The following FZD3 variants were observed in gnomAD, a reference collection of about 807,000 sequenced individuals.
FZD3 encodes frizzled class receptor 3, also known as frizzled-3.
Under a neutral mutation model 60.7 loss-of-function variants are expected in FZD3, and 30 were observed. The observed-to-expected ratio is 0.49, with a 90% confidence interval of 0.37 to 0.67. The LOEUF is 0.67. Among genes scored for constraint, FZD3 ranks in the 30% least tolerant of loss-of-function variants. The pLI, the probability that FZD3 is intolerant of heterozygous loss-of-function variation, is 0.00. For missense variants in FZD3, 605 were observed against 838.7 expected (o/e 0.72, Z 3.44); for synonymous variants, 246 against 275.2 (o/e 0.89, Z 1.05).
At chr8:28,519,434 C>G (rs1289004886) in intron 3 of FZD3, among the ~76,000 whole-genome samples, 1 of 152,016 alleles carries the variant, frequency 6.6e-6, no homozygotes, top group Non-Finnish European at 1.5e-5. Flanking sequence ...ATAAAGAACT[C>G]TGTTTAAAAT....
At chr8:28,515,887 T>C (rs1044791942) in intron 3 of FZD3, among the ~76,000 whole-genome samples, 1 of 152,236 alleles carries the variant, frequency 6.6e-6, no homozygotes, top group Non-Finnish European at 1.5e-5. Context: ...TCCTTCCATA[T>C]ACAAAAGCTT....
rs1038565326 is a variant in FZD3, at chr8:28,570,005, T to G, written c.*6994T>G. 2 of 152,222 alleles carry G rather than the reference T, an allele frequency of 1.3e-5. No individual in the cohort carries two copies. Among genetic ancestry groups the G allele is most frequent in the African/African-American group, 4.8e-5 (2 of 41,456 alleles). 9.4% of individuals were successfully genotyped at this position (152,222 alleles called of 1,614,324 possible). ...AATTTCAGAGGAGTTGATTGAAAAT[T>G]TTTTGTTCAGTAATTATTCTTAAAC... is the stretch of plus-strand genomic sequence containing the variant. On this transcript the variant is annotated 3_prime_UTR_variant, in exon 8 of 8. Transcript: ENST00000240093.
Position 28,571,217 on chromosome 8 carries a change from A to G in FZD3, c.*8206A>G, listed in dbSNP as rs1364430562. The G allele has an allele frequency of 6.6e-6, 1 of 152,032 alleles. No individual in the cohort carries two copies. The highest frequency in any genetic ancestry group is 1.5e-5 in the Non-Finnish European group (1 of 67,994). The allele number at this position is 152,032 out of a possible 1,614,324, so 9.4% of individuals were successfully genotyped here. On this transcript the variant is annotated 3_prime_UTR_variant, in exon 8 of 8. Coordinates refer to ENST00000240093, the MANE Select transcript of FZD3 (RefSeq NM_017412.4). ...TTTACTTTATGTTTAGCCATCCACC[A>G]TTTTCCTATTTCTCTACTCCTCCCA...
At chr8:28,529,028 G>C (rs1272031140) in intron 5 of FZD3, among the ~76,000 whole-genome samples, 1 of 152,008 alleles carries the variant, frequency 6.6e-6, no homozygotes, top group Non-Finnish European at 1.5e-5. Flanking sequence ...CAATCCTCCT[G>C]CCTCAGCCTC....
chr8:28,512,372 T>C (rs1422650358), intron 3 of FZD3, among the ~76,000 whole-genome samples: 1 of 152,142 alleles, frequency 6.6e-6, no homozygotes, highest in Non-Finnish European at 1.5e-5. Flanking sequence ...GGTATCATCC[T>C]GGTTTGGTTG....
chr8:28,510,764 C>A (rs772195282), intron 3 of FZD3, among the ~76,000 whole-genome samples: 1 of 152,124 alleles, frequency 6.6e-6, no homozygotes, highest in Non-Finnish European at 1.5e-5. Context: ...GGGCCGGGCA[C>A]GGTGGCTCAG....
At chr8:28,503,399 C>T (rs924878311) in intron 3 of FZD3, among the ~76,000 whole-genome samples, 197 bp downstream of exon 3, 1 of 152,112 alleles carries the variant, frequency 6.6e-6, no homozygotes, top group African/African-American at 2.4e-5. Flanking sequence ...GAATGTTACT[C>T]TTATATTTTA....
chr8:28,517,828 T>C lies in FZD3; in HGVS notation c.190-2810T>C, dbSNP rs10090156. 5.2e-3 allele frequency among the ~76,000 whole-genome samples: 796 copies of C among 152,308 alleles called. 4 individuals are homozygous for C. The highest frequency in any genetic ancestry group is 0.016 in the African/African-American group (669 of 41,582). On this transcript the variant is annotated intron_variant, in intron 3 of 7. Transcript: ENST00000240093. ...TTAGTCATTGTTATATACAGTCTTGTCTGTTAACTCTAATAGCTGGATCAC... is the reference window on the plus strand; with the variant it reads ...TTAGTCATTGTTATATACAGTCTTGCCTGTTAACTCTAATAGCTGGATCAC...
rs1805718249 is a variant in FZD3 at position 28,567,106 on chromosome 8, C to G, written c.*4095C>G. On this transcript the variant is annotated 3_prime_UTR_variant, in exon 8 of 8. Transcript: ENST00000240093. ...AAGCAGTCCTCCAGCTTCAGCCTCC[C>G]AAGTAGCTAAGACTGTAGGCATGCA... 6.6e-6 allele frequency: 1 copy of G among 152,062 alleles called. No homozygotes were observed. Among genetic ancestry groups the G allele is most frequent in the Non-Finnish European group, 1.5e-5 (1 of 68,030 alleles). 9.4% of individuals were successfully genotyped at this position (152,062 alleles called of 1,614,324 possible). A position where few individuals can be genotyped will look rare whatever the true frequency, so the allele number is the denominator to read the frequency against.
At chr8:28,529,005 C>T (rs1804791811) in intron 5 of FZD3, among the ~76,000 whole-genome samples, 1 of 152,076 alleles carries the variant, frequency 6.6e-6, no homozygotes, top group Admixed American at 6.6e-5. Flanking sequence ...GCTTCAAACT[C>T]CAAGAGCTCA....
chr8:28,545,840 T>A (rs1805281018), intron 5 of FZD3, among the ~76,000 whole-genome samples: 1 of 152,228 alleles, frequency 6.6e-6, no homozygotes, highest in Non-Finnish European at 1.5e-5. Flanking sequence ...ATAAATAATA[T>A]TATAGATATT....
At chr8:28,507,870 TG>T (rs1316938333) in intron 3 of FZD3, among the ~76,000 whole-genome samples, 2 of 152,116 alleles carry the variant, frequency 1.3e-5, no homozygotes, top group East Asian at 3.9e-4. Context: ...TCTTTGGTAG[TG>T]GGAGCCTCTA....
rs1236640347 is a variant in FZD3 at position 28,527,040 on chromosome 8, C to T, written c.387-107C>T. 3 of 891,366 alleles carry T rather than the reference C, an allele frequency of 3.4e-6. No individual in the cohort carries two copies. In the African/African-American group the frequency reaches 5.0e-5, roughly 15 times the overall value. The allele number at this position is 891,366 out of a possible 1,614,324, so 55.2% of individuals were successfully genotyped here. ...TATTTCTACATATTACATTTGCTCTCCAGGAATAAATAAGGTTGTGAGTGC... is the reference window on the plus strand; with the variant it reads ...TATTTCTACATATTACATTTGCTCTTCAGGAATAAATAAGGTTGTGAGTGC... On this transcript the variant is annotated intron_variant, in intron 4 of 7. Transcript: ENST00000240093. This position sits in a 1 kb window ranked among gnomAD's most constrained non-coding sequence, Gnocchi z 5.0.
intron 5 of FZD3, among the ~76,000 whole-genome samples, chr8:28,549,338 T>A (rs939956878): frequency 6.6e-6 from 1 of 152,224 alleles, no homozygotes; most frequent in African/African-American, 2.4e-5. Flanking sequence ...GGAGACAGTT[T>A]AGCCCATAAC....
At chr8:28,531,257 GTA>G (rs1804868090) in intron 5 of FZD3, among the ~76,000 whole-genome samples, 2 of 152,038 alleles carry the variant, frequency 1.3e-5, no homozygotes, top group Non-Finnish European at 2.9e-5. Context: ...TTTTAAAAAT[GTA>G]TATATGTGAG....
chr8:28,519,747 A>C (rs1804524126), intron 3 of FZD3, among the ~76,000 whole-genome samples: 1 of 131,962 alleles, frequency 7.6e-6, no homozygotes, highest in South Asian at 2.5e-4. Context: ...AAAAAAAAAA[A>C]ACCAAGAAAA....
In FZD3 at chr8:28,569,595, G is replaced by A. The variant is rs912224804; in HGVS notation, c.*6584G>A. On this transcript the variant is annotated 3_prime_UTR_variant, in exon 8 of 8. Transcript: ENST00000240093. The stretch of plus-strand genomic sequence containing the variant: ...TTGTATTATTTTACTAGATCAACCT[G>A]TATTATTAACGTCATTTACATGTAA... The A allele has an allele frequency of 6.6e-6, 1 of 151,630 alleles. No homozygotes were observed. 9.4% of individuals were successfully genotyped at this position (151,630 alleles called of 1,614,324 possible).
chr8:28,560,321 C>T (rs1282112512), intron 7 of FZD3, among the ~76,000 whole-genome samples: 1 of 152,168 alleles, frequency 6.6e-6, no homozygotes, highest in Non-Finnish European at 1.5e-5. Flanking sequence ...GTATTACAGT[C>T]AGTGGTCACA....
chr8:28,494,310 C>CCG lies in FZD3; in HGVS notation c.-423_-422insGC, dbSNP rs1423730887. 2 of 151,696 alleles carry CCG rather than the reference C, an allele frequency of 1.3e-5. No individual in the cohort carries two copies. Among genetic ancestry groups the CCG allele is most frequent in the African/African-American group, 2.4e-5 (1 of 41,334 alleles). 9.4% of individuals were successfully genotyped at this position (151,696 alleles called of 1,614,324 possible). A position where few individuals can be genotyped will look rare whatever the true frequency, so the allele number is the denominator to read the frequency against. On this transcript the variant is annotated 5_prime_UTR_variant, in exon 1 of 8. Coordinates refer to ENST00000240093, the MANE Select transcript of FZD3 (RefSeq NM_017412.4). The stretch of plus-strand genomic sequence containing the variant: ...CCGCCCGCGGCAGGCGGTGCAGCCC[C>CCG]CCCACCCCTTGGAGCCAGGCGCCGG...
Sources: allele counts gnomAD v4.1 joint callset (sites outside exome capture counted in the v4.1 genomes callset), GRCh38; gene constraint gnomAD v4.1.1; non-coding constraint Gnocchi (gnomAD v3.1); transcripts MANE v1.5; gene names NCBI Gene and HGNC (gene_info 2026-07-23, HGNC 2026-07-21).